The following VSX1 variants were observed in gnomAD, a reference collection of about 807,000 sequenced individuals.
VSX1 encodes homeodomain protein RINX.
Under a neutral mutation model 23.6 loss-of-function variants are expected in VSX1, and 23 were observed. The ratio of observed to expected loss-of-function variants is 0.97; its 90% CI spans 0.70 to 1.38. The LOEUF is 1.38. Among genes scored for constraint, VSX1 ranks in the 40% most tolerant of loss-of-function variants. The pLI, the probability that VSX1 is intolerant of heterozygous loss-of-function variation, is 0.00. For synonymous variants in VSX1, 247 were observed against 215.1 expected (o/e 1.15, Z -1.30); for missense variants, 517 against 495.4 (o/e 1.04, Z -0.41).
rs1203445045 is a variant in VSX1 at position 25,077,785 on chromosome 20, C to A, written c.708G>T (p.Gly236=). The change falls in exon 4 of 5, where the codon GGG becomes GGT. Residue 236 remains glycine (G), a synonymous_variant. Coordinates refer to ENST00000376709, the MANE Select transcript of VSX1 (RefSeq NM_014588.6). ...AGTGGCGCACCATGGCCCCGTACAG[C>A]CCGTACTCGGCCATCACGCTGCTGC... ...WGGSSVMAEY[G]LYGAMVRHCI... is the part of the protein sequence containing the mutation. 2.6e-6 allele frequency: 4 copies of A among 1,550,982 alleles called. No homozygotes were observed. The highest frequency in any genetic ancestry group is 2.7e-5 in the African/African-American group (2 of 73,060).
chr20:25,080,762 T>C (rs2089622456), intron 1 of VSX1, among the ~76,000 whole-genome samples: 2 of 152,220 alleles, frequency 1.3e-5, no homozygotes, highest in South Asian at 4.1e-4. Flanking sequence ...TTATCTTACG[T>C]AGAGCTCATG....
chr20:25,075,644 T>C lies in VSX1; in HGVS notation c.*617A>G, dbSNP rs1235777459. On this transcript the variant is annotated 3_prime_UTR_variant, in exon 5 of 5. Transcript: ENST00000376709. ...CTATCCAACAATTGTTTAAATATGA[T>C]CCCATGCTATTTTTAAAGGAAATGC... is the stretch of plus-strand genomic sequence containing the variant. 1 of 152,394 alleles carries C rather than the reference T, an allele frequency of 6.6e-6. No individual in the cohort carries two copies. Among genetic ancestry groups the C allele is most frequent in the Non-Finnish European group, 1.5e-5 (1 of 68,180 alleles). The allele number at this position is 152,394 out of a possible 1,614,324, so 9.4% of individuals were successfully genotyped here. A position where few individuals can be genotyped will look rare whatever the true frequency, so the allele number is the denominator to read the frequency against.
downstream of VSX1, chr20:25,071,330 T>A: frequency 2.2e-6 from 1 of 454,018 alleles, no homozygotes; most frequent in Non-Finnish European, 4.4e-6. Flanking sequence ...TTGGAGTAGC[T>A]GGGGCAGTGG....
chr20:25,078,434 A>G, intron 3 of VSX1: 2 of 744,060 alleles, frequency 2.7e-6, no homozygotes, highest in South Asian at 3.1e-5. Flanking sequence ...GCATGTAGAT[A>G]TGTATATGCA....
intron 1 of VSX1, 85 bp from the exon 2 acceptor site, chr20:25,079,599 T>C (rs2089597315): frequency 7.0e-7 from 1 of 1,425,406 alleles, no homozygotes; most frequent in Non-Finnish European, 9.7e-7. Flanking sequence ...ATTGAAGTTA[T>C]GAACCTCTTG....
chr20:25,077,568 A>G lies in VSX1; in HGVS notation c.808+117T>C, dbSNP rs541170394. The stretch of plus-strand genomic sequence containing the variant: ...ATAATAAGAACGGTTCTGGACCTGA[A>G]TCTCAGTAAACTGACGTTGCTTTGC... On this transcript the variant is annotated intron_variant, in intron 4 of 4. Coordinates refer to ENST00000376709, the MANE Select transcript of VSX1 (RefSeq NM_014588.6). 3,622 of 1,254,528 alleles carry G rather than the reference A, an allele frequency of 2.9e-3. 8 individuals carry two copies. The highest frequency in any genetic ancestry group is 3.7e-3 in the Non-Finnish European group (3,277 of 894,442). 77.7% of individuals were successfully genotyped at this position (1,254,528 alleles called of 1,614,324 possible).
chr20:25,073,155 T>G (rs892209623), downstream of VSX1, among the ~76,000 whole-genome samples: 3 of 152,208 alleles, frequency 2.0e-5, no homozygotes, highest in Non-Finnish European at 2.9e-5. Flanking sequence ...TGAAAAATTT[T>G]CATATGATAT....
At chr20:25,080,884 C>T (rs1019064229) in intron 1 of VSX1, among the ~76,000 whole-genome samples, 2 of 152,224 alleles carry the variant, frequency 1.3e-5, no homozygotes, top group Admixed American at 1.3e-4. Flanking sequence ...TGCCTGGATG[C>T]TCAGCTCTAG....
In VSX1 at chr20:25,076,242, A is replaced by G. The variant is rs2089487296; in HGVS notation, c.*19T>C. The G allele has an allele frequency of 1.2e-6, 2 of 1,613,658 alleles. No homozygotes were observed. The highest frequency in any genetic ancestry group is 1.7e-6 in the Non-Finnish European group (2 of 1,180,052). On this transcript the variant is annotated 3_prime_UTR_variant, in exon 5 of 5. Coordinates refer to ENST00000376709, the MANE Select transcript of VSX1 (RefSeq NM_014588.6). ...GGAATATGCACATTTTCAGCCTTTG[A>G]CAGTGGGACCTGTGGGTCTCATGTG...
At chr20:25,071,799 G>C (rs2089384786), downstream of VSX1, 1 of 707,110 alleles carries the variant, frequency 1.4e-6, no homozygotes, top group African/African-American at 1.7e-5. Flanking sequence ...TGCCCTGCAG[G>C]GGGCAAGTCT....
downstream of VSX1, among the ~76,000 whole-genome samples, chr20:25,074,671 C>A (rs951869992): frequency 6.6e-6 from 1 of 152,062 alleles, no homozygotes; most frequent in Non-Finnish European, 1.5e-5. Context: ...CTTACTGTTA[C>A]AATTTTAGTG....
chr20:25,074,325 T>C (rs543480210), downstream of VSX1, among the ~76,000 whole-genome samples: 1 of 152,330 alleles, frequency 6.6e-6, no homozygotes, highest in African/African-American at 2.4e-5. Flanking sequence ...TGCTCTTATA[T>C]ATGTACATAT....
At position 25,081,739 on chromosome 20, in the gene VSX1, G is replaced by A. The variant is rs1215746864; in HGVS notation, c.358C>T (p.Leu120=). The change falls in exon 1 of 5, where the codon CTG becomes TTG. Residue 120 remains leucine, a synonymous_variant. Coordinates refer to ENST00000376709, the MANE Select transcript of VSX1 (RefSeq NM_014588.6). ...PPRGPEPAAP[L]APSRPPPALG... is the part of the protein sequence containing the mutation. ...GCAGGCGGCGGACGGCTGGGAGCCAGCGGGGCAGCGGGCTCGGGGCCCCTG... is the reference window on the plus strand; with the variant it reads ...GCAGGCGGCGGACGGCTGGGAGCCAACGGGGCAGCGGGCTCGGGGCCCCTG... 6.0e-6 allele frequency: 9 copies of A among 1,499,784 alleles called. No homozygotes were observed. The highest frequency in any genetic ancestry group is 2.1e-5 in the Admixed American group (1 of 47,026). The allele number at this position is 1,499,784 out of a possible 1,614,324, so 92.9% of individuals were successfully genotyped here. A position where few individuals can be genotyped will look rare whatever the true frequency, so the allele number is the denominator to read the frequency against.
intron 1 of VSX1, 48 bp from the exon 2 acceptor site, chr20:25,079,562 C>A: frequency 6.4e-7 from 1 of 1,560,100 alleles, no homozygotes. Flanking sequence ...ATCATATCCC[C>A]TCTATTTCCT....
chr20:25,071,774 T>G (rs2089384110), downstream of VSX1: 3 of 700,072 alleles, frequency 4.3e-6, no homozygotes, highest in East Asian at 5.4e-5. Context: ...GTTGTTGAAT[T>G]CCTTGCACAT....
At chr20:25,080,756 C>T (rs1243776830) in intron 1 of VSX1, among the ~76,000 whole-genome samples, 1 of 152,174 alleles carries the variant, frequency 6.6e-6, no homozygotes, top group Non-Finnish European at 1.5e-5. Flanking sequence ...TTCATTTTAT[C>T]TTACGTAGAG....
intron 2 of VSX1, 27 bp from the exon 3 acceptor site, chr20:25,078,979 G>T: frequency 1.4e-5 from 23 of 1,612,802 alleles, no homozygotes; most frequent in Non-Finnish European, 1.9e-5. Context: ...ACACACAGGT[G>T]GGCACATGTC....
intron 1 of VSX1, 23 bp downstream of exon 1, chr20:25,081,650 G>A: frequency 7.9e-6 from 12 of 1,526,710 alleles, no homozygotes; most frequent in Admixed American, 2.0e-5. Flanking sequence ...AGGGGCAGGA[G>A]CGGAAAGCGC....
intron 3 of VSX1, chr20:25,078,451 T>C (rs2089558130): frequency 3.2e-6 from 3 of 949,270 alleles, no homozygotes; most frequent in Non-Finnish European, 4.1e-6. Flanking sequence ...TGCACATACA[T>C]ATTCAGGGGC....
Sources: gnomAD v4.1 joint callset for allele counts (sites outside exome capture counted in the v4.1 genomes callset) on GRCh38, gnomAD v4.1.1 for gene constraint, MANE v1.5 for transcripts, NCBI Gene and HGNC (gene_info 2026-07-23, HGNC 2026-07-21) for gene names.